Variants in KIF4A observed in about 807,000 individuals in gnomAD.
KIF4A encodes the protein chromosome-associated kinesin KIF4A.
In KIF4A, 7 loss-of-function variants were observed where a neutral mutation model predicts 105.9. The observed-to-expected ratio is 0.07, with a 90% CI of 0.04 to 0.12. KIF4A has a LOEUF of 0.12. Ranked by LOEUF, KIF4A falls within the 10% of genes least tolerant of loss-of-function variation. The pLI, the probability that KIF4A is intolerant of heterozygous loss-of-function variation, is 1.00. For synonymous variants in KIF4A, 281 were observed against 331.3 expected (o/e 0.85, Z 1.65); for missense variants, 558 against 929.2 (o/e 0.60, Z 5.19).
At chrX:70,304,956 C>G (rs1427262438) in intron 7 of KIF4A, among the ~76,000 whole-genome samples, 1 of 111,347 alleles carries the variant, frequency 9.0e-6, no homozygotes, top group Admixed American at 9.6e-5. Flanking sequence ...GCCACCATAC[C>G]CGGCCTCATT....
intron 13 of KIF4A, among the ~76,000 whole-genome samples, chrX:70,345,075 T>C (rs1290929174): frequency 8.9e-6 from 1 of 112,154 alleles, no homozygotes; most frequent in African/African-American, 3.2e-5. Flanking sequence ...AGACCCTGGT[T>C]TGAAGCCAGT....
intron 3 of KIF4A, among the ~76,000 whole-genome samples, chrX:70,295,200 G>A (rs747851244): frequency 2.7e-5 from 3 of 110,823 alleles, no homozygotes; most frequent in East Asian, 2.9e-4. Context: ...TTTTGAAACC[G>A]AATCTCCCTC....
intron 7 of KIF4A, among the ~76,000 whole-genome samples, chrX:70,312,905 C>G (rs1488709862): frequency 2.7e-5 from 3 of 111,797 alleles, no homozygotes; most frequent in African/African-American, 9.7e-5. Context: ...TTGTCAATTT[C>G]TAATGTATTG....
At chrX:70,349,254 A>ATG (rs2086011063) in intron 13 of KIF4A, among the ~76,000 whole-genome samples, 2 of 59,335 alleles carry the variant, frequency 3.4e-5, no homozygotes, top group Admixed American at 2.3e-4. Flanking sequence ...GGGCAGAGGC[A>ATG]CTCCTCACAT....
intron 10 of KIF4A, among the ~76,000 whole-genome samples, chrX:70,339,345 C>T (rs1340581750): frequency 9.0e-6 from 1 of 111,678 alleles, no homozygotes; most frequent in Non-Finnish European, 1.9e-5. Context: ...ATGACTACCT[C>T]TTTCTTCCTA....
At chrX:70,334,349 A>G (rs1403244632) in intron 10 of KIF4A, among the ~76,000 whole-genome samples, 1 of 112,044 alleles carries the variant, frequency 8.9e-6, no homozygotes, top group Admixed American at 9.5e-5. Flanking sequence ...ATTTTTGTAT[A>G]TATCTATCTG....
chrX:70,373,549 TATATATAC>T lies in KIF4A; in HGVS notation c.1675-601_1675-594del, dbSNP rs1260215027. ...GTATATATATATATATATATATATA[TATATATAC>T]GTATATATATACATATATACGTGTA... On this transcript the variant is annotated intron_variant, in intron 15 of 30. Transcript: ENST00000374403. Among the ~76,000 whole-genome samples, 44 of 41,548 alleles carry T rather than the reference TATATATAC, an allele frequency of 1.1e-3. 11 individuals are homozygous for T. Among genetic ancestry groups the T allele is most frequent in the East Asian group, 7.1e-3 (9 of 1,259 alleles). The allele number at this position is 41,548 out of a possible 115,157, so 36.1% of individuals were successfully genotyped here. A position where few individuals can be genotyped will look rare whatever the true frequency, so the allele number is the denominator to read the frequency against.
chrX:70,329,263 G>T, intron 7 of KIF4A, 142 bp from the exon 8 acceptor site: 1 of 544,233 alleles, frequency 1.8e-6, no homozygotes, highest in Non-Finnish European at 2.8e-6. Flanking sequence ...ACTCCAAAAA[G>T]TGAACAAGAT....
chrX:70,370,370 T>C (rs2147716938), intron 15 of KIF4A, among the ~76,000 whole-genome samples: 1 of 109,388 alleles, frequency 9.1e-6, no homozygotes, highest in South Asian at 3.9e-4. Flanking sequence ...AGACTTGACC[T>C]TTACAAGTAT....
At chrX:70,372,595 A>C (rs1389890845) in intron 15 of KIF4A, among the ~76,000 whole-genome samples, 6 of 114,244 alleles carry the variant, frequency 5.3e-5, no homozygotes, top group Non-Finnish European at 1.1e-4. Flanking sequence ...TGGCAGCAGT[A>C]CAGTCCAGCT....
At chrX:70,361,161 G>A (rs1291495898) in intron 15 of KIF4A, among the ~76,000 whole-genome samples, 2 of 113,325 alleles carry the variant, frequency 1.8e-5, no homozygotes, top group Non-Finnish European at 3.7e-5. Flanking sequence ...GCCTATTGGG[G>A]GCAGACTTCC....
intron 10 of KIF4A, among the ~76,000 whole-genome samples, chrX:70,336,099 G>C (rs1322439533): frequency 9.0e-6 from 1 of 111,603 alleles, no homozygotes; most frequent in Non-Finnish European, 1.9e-5. Context: ...GTTGGGTACT[G>C]TATGTAATGA....
In KIF4A at chrX:70,302,077, A is replaced by C. The variant is rs761818735; in HGVS notation, c.683+11A>C. 1.5e-5 allele frequency: 18 copies of C among 1,206,054 alleles called. No individual in the cohort carries two copies. In the South Asian group the frequency reaches 3.2e-4, roughly 21 times the overall value. Reference sequence around the variant, plus strand: ...AAAGAAAAGTGACAAGTAAGTTACAATTTAAAGAGTCAAGATTTTTAGTAT... The same window carrying C: ...AAAGAAAAGTGACAAGTAAGTTACACTTTAAAGAGTCAAGATTTTTAGTAT... On this transcript the variant is annotated intron_variant, in intron 6 of 30. Coordinates refer to ENST00000374403, the MANE Select transcript of KIF4A (RefSeq NM_012310.5).
At chrX:70,417,157 C>G (rs1418206067) in intron 28 of KIF4A, among the ~76,000 whole-genome samples, 1 of 112,767 alleles carries the variant, frequency 8.9e-6, no homozygotes. Flanking sequence ...GGTTGCCTTG[C>G]ATTATTATGC....
Position 70,319,518 on chromosome X carries a change from A to G in KIF4A, c.779-9887A>G, listed in dbSNP as rs762823596. ...ATAAGCAGTGCCATTTCTTTCATATATTAAGTGCCCAAATATCCCTTAGTC... is the reference window on the plus strand; with the variant it reads ...ATAAGCAGTGCCATTTCTTTCATATGTTAAGTGCCCAAATATCCCTTAGTC... On this transcript the variant is annotated intron_variant, in intron 7 of 30. Transcript: ENST00000374403. Among the ~76,000 whole-genome samples the G allele has an allele frequency of 9.8e-5, 11 of 111,861 alleles. No homozygotes were observed. The South Asian group carries it at 3.8e-3, about 38-fold the overall frequency.
chrX:70,361,517 A>G (rs866686899), intron 15 of KIF4A: 2 of 160,586 alleles, frequency 1.2e-5, no homozygotes, highest in Non-Finnish European at 2.7e-5. Context: ...CATCACATCT[A>G]TGTAGGAGTT....
At chrX:70,418,034 C>T (rs1330916055) in intron 29 of KIF4A, 30 bp downstream of exon 29, 4 of 1,103,631 alleles carry the variant, frequency 3.6e-6, no homozygotes, top group African/African-American at 1.8e-5. Flanking sequence ...CTCTCCCCTT[C>T]CCTTCAGACC....
intron 13 of KIF4A, among the ~76,000 whole-genome samples, chrX:70,348,783 CTCTT>C (rs1282554269): frequency 8.9e-6 from 1 of 111,781 alleles, no homozygotes; most frequent in African/African-American, 3.3e-5. Flanking sequence ...AATCTGATCT[CTCTT>C]TCTTTTCCCC....
At chrX:70,341,504 TAGCCAAG>T (rs1178506752) in intron 10 of KIF4A, among the ~76,000 whole-genome samples, 2 of 111,429 alleles carry the variant, frequency 1.8e-5, no homozygotes, top group African/African-American at 6.5e-5. Context: ...GAAAAGATCC[TAGCCAAG>T]AGCCAAGATA....
Sources: allele counts gnomAD v4.1 joint callset (sites outside exome capture counted in the v4.1 genomes callset), GRCh38; gene constraint gnomAD v4.1.1; transcripts MANE v1.5; gene names NCBI Gene and HGNC (gene_info 2026-07-23, HGNC 2026-07-21).